Variants in MYO18A observed in about 807,000 individuals in gnomAD.
The protein encoded by MYO18A is myosin XVIIIA.
MYO18A carries 78 observed loss-of-function variants against 235.8 expected under a neutral mutation model. That is an observed-to-expected ratio of 0.33 (90% CI 0.28 to 0.40). The LOEUF (loss-of-function observed/expected upper bound fraction) is 0.40. Ranked by LOEUF, MYO18A falls within the 10% of genes least tolerant of loss-of-function variation. MYO18A has a pLI of 1.00. For missense variants in MYO18A, 2,215 were observed against 2,699.3 expected (o/e 0.82, Z 3.98); for synonymous variants, 977 against 1,077.8 (o/e 0.91, Z 1.83).
At chr17:29,112,813 A>G (rs1391855649) in intron 15 of MYO18A, among the ~76,000 whole-genome samples, 1 of 152,220 alleles carries the variant, frequency 6.6e-6, no homozygotes, top group East Asian at 1.9e-4. Context: ...CTCCCCGCAG[A>G]TGCCCAAGGG....
intron 2 of MYO18A, among the ~76,000 whole-genome samples, chr17:29,130,500 A>T (rs967694624): frequency 4.0e-5 from 6 of 150,642 alleles, no homozygotes; most frequent in Non-Finnish European, 8.9e-5. Context: ...ACACACACAC[A>T]CACACACACA....
chr17:29,175,996 T>G (rs991895269), intron 1 of MYO18A, among the ~76,000 whole-genome samples: 1 of 152,114 alleles, frequency 6.6e-6, no homozygotes, highest in Non-Finnish European at 1.5e-5. Flanking sequence ...AGGCGGAGGT[T>G]GCAGTGAGCC....
intron 2 of MYO18A, chr17:29,155,132 C>T (rs1472514429): frequency 1.3e-5 from 2 of 152,268 alleles, no homozygotes; most frequent in Non-Finnish European, 2.9e-5. Flanking sequence ...GATAGATCTT[C>T]CTGCACACGT....
chr17:29,124,589 C>G, intron 2 of MYO18A: 1 of 1,191,384 alleles, frequency 8.4e-7, no homozygotes, highest in Non-Finnish European at 1.1e-6. Flanking sequence ...CAGGTGCAGG[C>G]CAGTGGGGCT....
chr17:29,157,860 C>T (rs1330248211), intron 2 of MYO18A, among the ~76,000 whole-genome samples: 1 of 151,950 alleles, frequency 6.6e-6, no homozygotes, highest in African/African-American at 2.4e-5. Flanking sequence ...ATGGCATAAT[C>T]ACGGCTCACT....
chr17:29,157,246 C>A lies in MYO18A; in HGVS notation c.999+8696G>T, dbSNP rs571542107. On this transcript the variant is annotated intron_variant, in intron 2 of 41. Coordinates refer to ENST00000527372, the MANE Select transcript of MYO18A (RefSeq NM_078471.4). Reference sequence around the variant, plus strand: ...CCACCCTTCCCTCTCCCGGCTCCCACAAGATTGAATCCTGCCTGCTGCCAC... The same window carrying A: ...CCACCCTTCCCTCTCCCGGCTCCCAAAAGATTGAATCCTGCCTGCTGCCAC... Among the ~76,000 whole-genome samples, 4 of 152,348 alleles carry A rather than the reference C, an allele frequency of 2.6e-5. No homozygotes were observed. In the South Asian group the frequency reaches 8.3e-4, roughly 32 times the overall value.
intron 2 of MYO18A, among the ~76,000 whole-genome samples, chr17:29,162,747 G>A (rs899782065): frequency 1.3e-5 from 2 of 152,236 alleles, no homozygotes; most frequent in African/African-American, 2.4e-5. Flanking sequence ...TGGATGGGCA[G>A]GTGGAAGGAT....
At position 29,115,010 on chromosome 17, in the gene MYO18A, C is replaced by T. The variant is rs774435895; in HGVS notation, c.2408G>A (p.Arg803His). Residue 803 changes from arginine to histidine, a missense_variant, in exon 14 of 42, where the codon CGC becomes CAC. By Grantham distance (29) the Arg-to-His change is conservative. Coordinates refer to ENST00000527372, the MANE Select transcript of MYO18A (RefSeq NM_078471.4). The part of the protein sequence containing the change: ...FQNPEQGGSA[R>H]GASFEELCHN... ...GCACAGCTCCTCAAAGGAGGCTCCG[C>T]GGGCTGACCCACCCTGCTCAGGGTT... The T allele has an allele frequency of 2.2e-5, 36 of 1,613,834 alleles. No homozygotes were observed. Among genetic ancestry groups the T allele is most frequent in the East Asian group, 6.7e-5 (3 of 44,842 alleles).
At position 29,120,818 on chromosome 17, in the gene MYO18A, A is replaced by G. The variant is rs1412074107; in HGVS notation, c.1586-60T>C. 2 of 1,586,560 alleles carry G rather than the reference A, an allele frequency of 1.3e-6. No homozygotes were observed. The highest frequency in any genetic ancestry group is 2.7e-5 in the African/African-American group (2 of 74,564). ...GCCAGGGGCAGCTTATCCCCCAGCTAGGAGCTACCCCAGAGGTATGAAGGC... is the reference window on the plus strand; with the variant it reads ...GCCAGGGGCAGCTTATCCCCCAGCTGGGAGCTACCCCAGAGGTATGAAGGC... On this transcript the variant is annotated intron_variant, in intron 6 of 41. Coordinates refer to ENST00000527372, the MANE Select transcript of MYO18A (RefSeq NM_078471.4). This position sits in a 1 kb window ranked among gnomAD's most constrained non-coding sequence, Gnocchi z 4.2.
intron 1 of MYO18A, among the ~76,000 whole-genome samples, chr17:29,179,352 ATC>A (rs1328512028): frequency 1.6e-5 from 2 of 122,670 alleles, no homozygotes; most frequent in Non-Finnish European, 3.2e-5. Context: ...CAACTCCCCC[ATC>A]TCCACCCCCA....
chr17:29,074,715 G>A lies in MYO18A; in HGVS notation c.*55C>T. 2.5e-6 allele frequency: 4 copies of A among 1,585,706 alleles called. No individual in the cohort carries two copies. Among genetic ancestry groups the A allele is most frequent in the East Asian group, 2.2e-5 (1 of 44,530 alleles). ...GGTGCCCCACCACTTCCTGGGAGAG[G>A]TGCCCAGGCAGCCACAGGCCCTGGG... is the stretch of plus-strand genomic sequence containing the variant. On this transcript the variant is annotated 3_prime_UTR_variant, in exon 42 of 42. Transcript: ENST00000527372. This position sits in a 1 kb window ranked among gnomAD's most constrained non-coding sequence, Gnocchi z 4.4.
intron 2 of MYO18A, among the ~76,000 whole-genome samples, chr17:29,131,130 TCTC>T (rs1253023485): frequency 2.0e-5 from 3 of 152,134 alleles, no homozygotes; most frequent in Non-Finnish European, 4.4e-5. Flanking sequence ...ACCTTGGCCA[TCTC>T]CTTCACACAC....
rs758549606 is a variant in MYO18A at position 29,098,901 on chromosome 17, G to C, written c.3705C>G (p.Pro1235=). The change falls in exon 23 of 42, where the codon CCC becomes CCG. Residue 1235 remains proline, a synonymous_variant. Transcript: ENST00000527372. ...TCACTGTGGTAAAAAGCTTCCACCA[G>C]GGCCAGTCCTTCACCCCTTTGTTCT... ...IKKNKGVKDW[P]WWKLFTTVRP... is the part of the protein sequence containing the mutation. 1.2e-6 allele frequency: 2 copies of C among 1,613,832 alleles called. No homozygotes were observed. Among genetic ancestry groups the C allele is most frequent in the African/African-American group, 2.7e-5 (2 of 74,896 alleles).
intron 2 of MYO18A, among the ~76,000 whole-genome samples, chr17:29,157,699 TA>T (rs1483174306): frequency 2.0e-5 from 3 of 152,232 alleles, no homozygotes; most frequent in African/African-American, 7.2e-5. Context: ...GAACAGTGCC[TA>T]ACCTACAGTG....
rs756954195 is a variant in MYO18A at position 29,090,085 on chromosome 17, T to C, written c.5402A>G (p.Gln1801Arg). 3 of 1,612,960 alleles carry C rather than the reference T, an allele frequency of 1.9e-6. No individual in the cohort carries two copies. Among genetic ancestry groups the C allele is most frequent in the East Asian group, 2.2e-5 (1 of 44,866 alleles). The part of the protein sequence containing the change: ...QELQEKLQAL[Q>R]SQVEFLEQSM... Reference sequence around the variant, plus strand: ...CTGCTCCAGGAACTCCACCTGGCTCTGGAGGGCTTGTAGCTAGAGGTGGGG... The same window carrying C: ...CTGCTCCAGGAACTCCACCTGGCTCCGGAGGGCTTGTAGCTAGAGGTGGGG... The change falls in exon 37 of 42, where the codon CAG becomes CGG. Residue 1801 changes from glutamine to arginine, a missense_variant. By Grantham distance (43) the Gln-to-Arg change is conservative. Coordinates refer to ENST00000527372, the MANE Select transcript of MYO18A (RefSeq NM_078471.4).
At chr17:29,085,148 T>G (rs2066221694) in intron 40 of MYO18A, among the ~76,000 whole-genome samples, 1 of 152,170 alleles carries the variant, frequency 6.6e-6, no homozygotes, top group Admixed American at 6.5e-5. Context: ...GAGAAGGTAG[T>G]GGACCTTTAA....
At position 29,120,910 on chromosome 17, in the gene MYO18A, G is replaced by A; in HGVS notation, c.1585+88C>T. The A allele has an allele frequency of 6.4e-7, 1 of 1,561,264 alleles. No individual in the cohort carries two copies. Among genetic ancestry groups the A allele is most frequent in the African/African-American group, 1.4e-5 (1 of 73,928 alleles). ...TTCGGGGGGATGGAAAGGCCAGGGA[G>A]AAAAAGAGCTGGCACTTAAGAGGGT... On this transcript the variant is annotated intron_variant, in intron 6 of 41. Transcript: ENST00000527372. This position sits in a 1 kb window ranked among gnomAD's most constrained non-coding sequence, Gnocchi z 4.2.
chr17:29,088,244 C>T (rs1460814847), intron 37 of MYO18A, among the ~76,000 whole-genome samples: 1 of 151,572 alleles, frequency 6.6e-6, no homozygotes, highest in Non-Finnish European at 1.5e-5. Context: ...TTAGTAGAGA[C>T]AGGGTTTCAC....
intron 2 of MYO18A, among the ~76,000 whole-genome samples, chr17:29,130,163 T>C (rs3890060): frequency 0.081 from 12,292 of 151,524 alleles, 686 homozygotes; most frequent in South Asian, 0.16. Flanking sequence ...GGCTTGATGG[T>C]GTGTGCCTAT....
Sources: allele counts gnomAD v4.1 joint callset (sites outside exome capture counted in the v4.1 genomes callset), GRCh38; gene constraint gnomAD v4.1.1; non-coding constraint Gnocchi (gnomAD v3.1); transcripts MANE v1.5; gene names NCBI Gene and HGNC (gene_info 2026-07-23, HGNC 2026-07-21).